The following WDR37 variants were observed in gnomAD, a reference collection of about 807,000 sequenced individuals.
The protein encoded by WDR37 is WD repeat-containing protein 37.
A neutral mutation model predicts 62.9 loss-of-function variants in WDR37; 19 were observed. The observed-to-expected ratio is 0.30, with a 90% CI of 0.21 to 0.44. WDR37 has a LOEUF of 0.44. Ranked by LOEUF, WDR37 falls within the 20% of genes least tolerant of loss-of-function variation. WDR37 has a pLI of 1.00. For synonymous variants in WDR37, 250 were observed against 260.9 expected (o/e 0.96, Z 0.40); for missense variants, 474 against 657.6 (o/e 0.72, Z 3.05).
intron 2 of WDR37, among the ~76,000 whole-genome samples, chr10:1,072,837 A>G (rs1464990641): frequency 1.3e-5 from 2 of 152,220 alleles, no homozygotes; most frequent in Admixed American, 1.3e-4. Flanking sequence ...CAAAGTGGGT[A>G]TGAGAGTTGG....
At chr10:1,099,411 A>G (rs1834715338) in intron 9 of WDR37, among the ~76,000 whole-genome samples, 1 of 152,230 alleles carries the variant, frequency 6.6e-6, no homozygotes, top group Non-Finnish European at 1.5e-5. Context: ...TCTAGTTTTG[A>G]TATTTTCATC....
Position 1,064,960 on chromosome 10 carries a change from C to A in WDR37, c.-40-7156C>A, listed in dbSNP as rs147993071. The stretch of plus-strand genomic sequence containing the variant: ...AGTGGCAGGACATTTTTTTCAGGTG[C>A]TGAAGGAAAAGGACTATCAACTCAG... On this transcript the variant is annotated intron_variant, in intron 1 of 13. Transcript: ENST00000263150. Among the ~76,000 whole-genome samples the A allele has an allele frequency of 4.6e-3, 706 of 152,018 alleles. 5 individuals carry two copies. The highest frequency in any genetic ancestry group is 0.016 in the African/African-American group (662 of 41,436).
intron 11 of WDR37, among the ~76,000 whole-genome samples, chr10:1,116,277 C>T (rs1020689939): frequency 6.6e-5 from 10 of 151,904 alleles, no homozygotes; most frequent in Non-Finnish European, 1.0e-4. Flanking sequence ...TCACCCACCC[C>T]GCCCCGGGTC....
In WDR37 at chr10:1,130,018, A is replaced by G. The variant is rs1026582414; in HGVS notation, c.*674A>G. 2 of 152,628 alleles carry G rather than the reference A, an allele frequency of 1.3e-5. No homozygotes were observed. The highest frequency in any genetic ancestry group is 2.9e-5 in the Non-Finnish European group (2 of 68,040). The allele number at this position is 152,628 out of a possible 1,614,324, so 9.5% of individuals were successfully genotyped here. A position where few individuals can be genotyped will look rare whatever the true frequency, so the allele number is the denominator to read the frequency against. On this transcript the variant is annotated 3_prime_UTR_variant, in exon 14 of 14. Coordinates refer to ENST00000263150, the MANE Select transcript of WDR37 (RefSeq NM_014023.4). ...GTCTCCCGAGGTCTCATGCTAGCAAATTTTGAAATAGGATTCTAATCACTG... is the reference window on the plus strand; with the variant it reads ...GTCTCCCGAGGTCTCATGCTAGCAAGTTTTGAAATAGGATTCTAATCACTG...
intron 13 of WDR37, among the ~76,000 whole-genome samples, chr10:1,126,160 C>A (rs1835742453): frequency 6.6e-6 from 1 of 152,156 alleles, no homozygotes; most frequent in Non-Finnish European, 1.5e-5. Flanking sequence ...AATCGTAGCA[C>A]TTTGGGAGGC....
At chr10:1,092,695 C>T (rs71491338) in intron 7 of WDR37, among the ~76,000 whole-genome samples, 3 of 151,702 alleles carry the variant, frequency 2.0e-5, no homozygotes, top group Admixed American at 1.3e-4. Flanking sequence ...GACCCTGTCT[C>T]TACTAAAAAT....
intron 1 of WDR37, among the ~76,000 whole-genome samples, chr10:1,063,961 A>G (rs907008108): frequency 1.3e-5 from 2 of 152,214 alleles, no homozygotes; most frequent in African/African-American, 4.8e-5. Context: ...TCTCAACCTC[A>G]GTAAGAAAAG....
intron 6 of WDR37, 138 bp downstream of exon 6, chr10:1,084,676 A>G (rs1407278625): frequency 3.1e-5 from 39 of 1,274,246 alleles, no homozygotes; most frequent in Non-Finnish European, 3.9e-5. Flanking sequence ...CCCCCCACAC[A>G]TTAACCCTTG....
rs1166373759 is a variant in WDR37, at chr10:1,076,674, A to G, written c.139-1233A>G. ...AGCCTGGGTGACAGAGCGAGACTCC[A>G]TCTCAAAAAAAAAAAAAAAAGTTTA... On this transcript the variant is annotated intron_variant, in intron 2 of 13. Coordinates refer to ENST00000263150, the MANE Select transcript of WDR37 (RefSeq NM_014023.4). Among the ~76,000 whole-genome samples the G allele has an allele frequency of 1.1e-3, 145 of 127,962 alleles. No homozygotes were observed. The Middle Eastern group carries it at 0.017, about 15-fold the overall frequency. The allele number at this position is 127,962 out of a possible 152,430, so 83.9% of individuals were successfully genotyped here. A position where few individuals can be genotyped will look rare whatever the true frequency, so the allele number is the denominator to read the frequency against.
chr10:1,093,423 C>A, intron 7 of WDR37, 29 bp from the exon 8 acceptor site: 2 of 1,584,008 alleles, frequency 1.3e-6, no homozygotes, highest in Non-Finnish European at 1.7e-6. Context: ...TCACTTTAAA[C>A]CTGTTTTTAT....
At chr10:1,074,246 C>A (rs748302368) in intron 2 of WDR37, 28 of 1,000,250 alleles carry the variant, frequency 2.8e-5, no homozygotes, top group South Asian at 5.2e-5. Flanking sequence ...TGCAGCCTCC[C>A]CTGCTGGCAT....
chr10:1,125,033 A>G lies in WDR37; in HGVS notation c.1353+9A>G. ...CCCGGAGCAGCCGACAGGTAACAGC[A>G]CGGTCGGTGAACATATGCAGGGCAC... On this transcript the variant is annotated intron_variant, in intron 13 of 13. Transcript: ENST00000263150. 6.2e-7 allele frequency: 1 copy of G among 1,614,192 alleles called. No homozygotes were observed. Among genetic ancestry groups the G allele is most frequent in the East Asian group, 2.2e-5 (1 of 44,888 alleles).
In WDR37 at chr10:1,103,736, C is replaced by T. The variant is rs770610638; in HGVS notation, c.861C>T (p.Ser287=). Residue 287 remains serine (S), a synonymous_variant, in exon 10 of 14, where the codon TCC becomes TCT. Coordinates refer to ENST00000263150, the MANE Select transcript of WDR37 (RefSeq NM_014023.4). This position sits in a 1 kb window ranked among gnomAD's most constrained non-coding sequence, Gnocchi z 6.3. ...LKSHQGVVIA[S]DWLVGGKQAV... ...GCCACCAGGGCGTGGTCATCGCCTC[C>T]GACTGGCTGGTTGGGGGGAAGCAGG... 5.6e-6 allele frequency: 9 copies of T among 1,614,252 alleles called. No homozygotes were observed. The South Asian group carries it at 6.6e-5, about 12-fold the overall frequency.
In WDR37 at chr10:1,105,124, A is replaced by G; in HGVS notation, c.962-2A>G. 6.2e-7 allele frequency: 1 copy of G among 1,613,792 alleles called. No homozygotes were observed. The highest frequency in any genetic ancestry group is 8.5e-7 in the Non-Finnish European group (1 of 1,179,742). On this transcript the variant is annotated splice_acceptor_variant, in intron 10 of 13. Transcript: ENST00000263150. LOFTEE classifies it high-confidence loss of function. This position sits in a 1 kb window ranked among gnomAD's most constrained non-coding sequence, Gnocchi z 5.3. ...CCTTGTGTTTTGCCATCTTGGTTACAGGGCACGACCAGGAGTTGACGCACT... is the reference window on the plus strand; with the variant it reads ...CCTTGTGTTTTGCCATCTTGGTTACGGGGCACGACCAGGAGTTGACGCACT...
intron 11 of WDR37, among the ~76,000 whole-genome samples, chr10:1,114,906 G>A (rs968399419): frequency 1.1e-4 from 16 of 152,206 alleles, no homozygotes; most frequent in Non-Finnish European, 1.9e-4. Context: ...GTGAATAGAC[G>A]TGCCTGCAAG....
At chr10:1,119,291 A>G (rs768871625) in intron 11 of WDR37, among the ~76,000 whole-genome samples, 2 of 152,214 alleles carry the variant, frequency 1.3e-5, no homozygotes, top group Non-Finnish European at 2.9e-5. Context: ...ACCACAGGTC[A>G]GTGTTTCTGT....
chr10:1,125,708 G>A (rs1328049449), intron 13 of WDR37, among the ~76,000 whole-genome samples: 1 of 152,212 alleles, frequency 6.6e-6, no homozygotes, highest in East Asian at 1.9e-4. Context: ...CCAGGCAGAA[G>A]CTGGGTTGGT....
chr10:1,129,676 A>T lies in WDR37; in HGVS notation c.*332A>T. 2 of 195,824 alleles carry T rather than the reference A, an allele frequency of 1.0e-5. No individual in the cohort carries two copies. The highest frequency in any genetic ancestry group is 1.1e-5 in the Non-Finnish European group (1 of 95,086). 12.1% of individuals were successfully genotyped at this position (195,824 alleles called of 1,614,324 possible). A position where few individuals can be genotyped will look rare whatever the true frequency, so the allele number is the denominator to read the frequency against. ...TTACATTTGTGTGAATTAAATGTGA[A>T]CTTCTGTATTACGTTGCGGCGTCGG... On this transcript the variant is annotated 3_prime_UTR_variant, in exon 14 of 14. Transcript: ENST00000263150.
rs553747412 is a variant in WDR37, at chr10:1,105,772, C to T, written c.1103+505C>T. Among the ~76,000 whole-genome samples the T allele has an allele frequency of 2.0e-5, 3 of 152,186 alleles. No individual in the cohort carries two copies. The South Asian group carries it at 6.2e-4, about 32-fold the overall frequency. On this transcript the variant is annotated intron_variant, in intron 11 of 13. Coordinates refer to ENST00000263150, the MANE Select transcript of WDR37 (RefSeq NM_014023.4). This position sits in a 1 kb window ranked among gnomAD's most constrained non-coding sequence, Gnocchi z 5.3. ...TGTCCCTCTCTGCTTGGGTTTCTCT[C>T]CGGCAACTCAAGTGTAAGGTCTTTT...
Sources: gnomAD v4.1 joint callset for allele counts (sites outside exome capture counted in the v4.1 genomes callset) on GRCh38, gnomAD v4.1.1 for gene constraint, Gnocchi (gnomAD v3.1) non-coding constraint, MANE v1.5 for transcripts, NCBI Gene and HGNC (gene_info 2026-07-23, HGNC 2026-07-21) for gene names.